RTN1: variants seen among roughly 807,000 people sequenced by gnomAD.
The protein encoded by RTN1 is reticulon-1.
Under a neutral mutation model 65.5 loss-of-function variants are expected in RTN1, and 25 were observed. The observed-to-expected ratio is 0.38, with a 90% CI of 0.28 to 0.53. The LOEUF (loss-of-function observed/expected upper bound fraction) is 0.53, where lower values mean the gene tolerates loss of function less well. Among genes scored for constraint, RTN1 ranks in the 20% least tolerant of loss-of-function variants. The pLI is 0.79. For missense variants in RTN1, 983 were observed against 1,025.4 expected (o/e 0.96, Z 0.57); for synonymous variants, 471 against 447.6 (o/e 1.05, Z -0.66).
chr14:59,749,172 CTATCTA>C (rs1357531507), intron 1 of RTN1, among the ~76,000 whole-genome samples: 1 of 61,012 alleles, frequency 1.6e-5, no homozygotes, highest in African/African-American at 1.2e-4. Context: ...ATCTATATAT[CTATCTA>C]TATATCTATC....
intron 3 of RTN1, among the ~76,000 whole-genome samples, chr14:59,694,859 C>T (rs144886795): frequency 6.6e-6 from 1 of 152,284 alleles, no homozygotes; most frequent in Non-Finnish European, 1.5e-5. Context: ...AAAAAGGAGG[C>T]TGACAGATCT....
intron 1 of RTN1, among the ~76,000 whole-genome samples, chr14:59,749,400 ATATCTATATCTATATATATC>A (rs1885345854): frequency 5.6e-5 from 2 of 35,584 alleles, no homozygotes; most frequent in East Asian, 6.8e-4. Flanking sequence ...ATATCTATAT[ATATCTATATCTATATATATC>A]TATATATCTA....
intron 2 of RTN1, among the ~76,000 whole-genome samples, chr14:59,735,091 C>G (rs1204891953): frequency 6.6e-6 from 1 of 152,056 alleles, no homozygotes; most frequent in Non-Finnish European, 1.5e-5. Context: ...TTCAACACTT[C>G]TAAAGAAAAG....
chr14:59,608,503 C>T (rs572537997), intron 3 of RTN1, among the ~76,000 whole-genome samples: 4 of 152,176 alleles, frequency 2.6e-5, no homozygotes, highest in Admixed American at 2.6e-4. Context: ...GCCCTCATGA[C>T]AATGCAAGGC....
chr14:59,635,001 A>G (rs375613224), intron 3 of RTN1, among the ~76,000 whole-genome samples: 4 of 152,350 alleles, frequency 2.6e-5, no homozygotes, highest in African/African-American at 9.6e-5. Context: ...TAACACGGGA[A>G]CTTGAATAAT....
chr14:59,646,747 G>T (rs1249507141), intron 3 of RTN1, among the ~76,000 whole-genome samples: 1 of 152,030 alleles, frequency 6.6e-6, no homozygotes, highest in African/African-American at 2.4e-5. Context: ...AATGCTGAGG[G>T]AGATCATTAC....
At chr14:59,738,079 A>G (rs1300623738) in intron 2 of RTN1, among the ~76,000 whole-genome samples, 1 of 152,220 alleles carries the variant, frequency 6.6e-6, no homozygotes, top group African/African-American at 2.4e-5. Flanking sequence ...TCTAGGCAAT[A>G]CCATTCAGGA....
At chr14:59,639,204 A>G (rs1056609391) in intron 3 of RTN1, among the ~76,000 whole-genome samples, 1 of 152,252 alleles carries the variant, frequency 6.6e-6, no homozygotes. Flanking sequence ...CTATAGGTGC[A>G]GTTTGTGGCA....
At chr14:59,869,146 C>G (rs1421984567) in intron 1 of RTN1, among the ~76,000 whole-genome samples, 1 of 152,112 alleles carries the variant, frequency 6.6e-6, no homozygotes, top group Non-Finnish European at 1.5e-5. Context: ...TTCTCCAAAC[C>G]TCTTTTCCCC....
intron 3 of RTN1, among the ~76,000 whole-genome samples, chr14:59,713,302 G>T (rs934429784): frequency 2.0e-5 from 3 of 152,190 alleles, no homozygotes; most frequent in African/African-American, 7.2e-5. Flanking sequence ...GCATGGGGTT[G>T]GGAGCAGCTG....
At chr14:59,723,440 A>AC (rs1884689641) in intron 3 of RTN1, among the ~76,000 whole-genome samples, 1 of 150,864 alleles carries the variant, frequency 6.6e-6, no homozygotes, top group African/African-American at 2.4e-5. Flanking sequence ...CCCCATCTCC[A>AC]CTAAAAAAAA....
chr14:59,654,432 G>T, intron 3 of RTN1, among the ~76,000 whole-genome samples: 2 of 108,844 alleles, frequency 1.8e-5, no homozygotes, highest in South Asian at 5.9e-4. Flanking sequence ...CTGTCTCTGT[G>T]AAAAAAAAAA....
intron 1 of RTN1, among the ~76,000 whole-genome samples, chr14:59,770,985 C>T (rs767329967): frequency 9.9e-5 from 15 of 151,002 alleles, no homozygotes; most frequent in Non-Finnish European, 1.9e-4. Context: ...GGCAGAGTTG[C>T]AGTGAGCCGA....
chr14:59,620,018 T>C (rs957544912), intron 3 of RTN1, among the ~76,000 whole-genome samples: 3 of 151,860 alleles, frequency 2.0e-5, no homozygotes, highest in Admixed American at 6.6e-5. Context: ...AACCTTTAGG[T>C]TGAGCAAAAC....
At chr14:59,841,013 C>T (rs1887301841) in intron 1 of RTN1, among the ~76,000 whole-genome samples, 4 of 152,150 alleles carry the variant, frequency 2.6e-5, no homozygotes, top group African/African-American at 9.7e-5. Context: ...CCATATGTGA[C>T]CTTCAGCAGC....
chr14:59,858,750 A>T (rs1381186049), intron 1 of RTN1, among the ~76,000 whole-genome samples: 1 of 152,200 alleles, frequency 6.6e-6, no homozygotes, highest in East Asian at 1.9e-4. Context: ...ATAAATATAC[A>T]GATAGTGAGG....
intron 8 of RTN1, among the ~76,000 whole-genome samples, chr14:59,599,321 C>T (rs72716120): frequency 0.026 from 3,897 of 152,252 alleles, 132 homozygotes; most frequent in African/African-American, 0.08. Flanking sequence ...TACTCAAGAT[C>T]CCTTGATTCA....
At chr14:59,657,303 G>A (rs1883141925) in intron 3 of RTN1, among the ~76,000 whole-genome samples, 1 of 152,190 alleles carries the variant, frequency 6.6e-6, no homozygotes. Context: ...CAGCTACTGG[G>A]GAAGCCGAGG....
intron 1 of RTN1, among the ~76,000 whole-genome samples, chr14:59,793,013 C>T (rs1304727864): frequency 6.6e-6 from 1 of 152,074 alleles, no homozygotes; most frequent in Non-Finnish European, 1.5e-5. Flanking sequence ...CAAACTTAGC[C>T]TGATATTTTT....
Sources: allele counts gnomAD v4.1 joint callset (sites outside exome capture counted in the v4.1 genomes callset), GRCh38; gene constraint gnomAD v4.1.1; transcripts MANE v1.5; gene names NCBI Gene and HGNC (gene_info 2026-07-23, HGNC 2026-07-21).